Variants in ORC4 observed in about 807,000 individuals in gnomAD.
ORC4 encodes origin recognition complex, subunit 4 homolog.
A neutral mutation model predicts 63.9 loss-of-function variants in ORC4; 55 were observed. The ratio of observed to expected loss-of-function variants is 0.86; its 90% CI spans 0.69 to 1.08. The LOEUF (loss-of-function observed/expected upper bound fraction) is 1.08. ORC4 is among the 50% of genes least tolerant of loss of function. The pLI, the probability that ORC4 is intolerant of heterozygous loss-of-function variation, is 0.00. For synonymous variants in ORC4, 150 were observed against 168.5 expected, an observed-to-expected ratio of 0.89 and a Z score of 0.85; for missense variants, 511 against 504.4, an observed-to-expected ratio of 1.01 and a Z score of -0.13.
intron 4 of ORC4, among the ~76,000 whole-genome samples, chr2:147,968,640 T>C (rs1690035402): frequency 6.6e-6 from 1 of 151,888 alleles, no homozygotes; most frequent in Non-Finnish European, 1.5e-5. Flanking sequence ...AAATAATAAA[T>C]GCTGGTGAAG....
chr2:148,021,383 C>CCCT (rs1693709399), upstream of ORC4: 1 of 486,426 alleles, frequency 2.1e-6, no homozygotes, highest in South Asian at 1.6e-5. Context: ...CCTCCCTCCA[C>CCCT]CCTCCTCCTC....
At chr2:147,991,785 A>G (rs1185981589) in intron 1 of ORC4, among the ~76,000 whole-genome samples, 1 of 152,168 alleles carries the variant, frequency 6.6e-6, no homozygotes, top group Non-Finnish European at 1.5e-5. Context: ...CGGAGATTGC[A>G]CCACTGCACT....
intron 3 of ORC4, 55 bp from the exon 4 acceptor site, chr2:147,972,884 A>T: frequency 1.7e-6 from 2 of 1,201,102 alleles, no homozygotes; most frequent in Non-Finnish European, 2.5e-6. Flanking sequence ...ATACTTTGTT[A>T]TGTTGTAGTT....
intron 5 of ORC4, 156 bp downstream of exon 5, chr2:147,958,631 TATTA>T: frequency 1.7e-6 from 1 of 586,060 alleles, no homozygotes; most frequent in Non-Finnish European, 3.0e-6. Flanking sequence ...CCTTCATTAT[TATTA>T]TTTTAATTTC....
intron 1 of ORC4, among the ~76,000 whole-genome samples, chr2:147,996,911 C>A (rs1221172572): frequency 6.6e-6 from 1 of 152,040 alleles, no homozygotes; most frequent in Non-Finnish European, 1.5e-5. Flanking sequence ...CTGGTTACAC[C>A]CAAATGAGTT....
chr2:147,957,196 A>G (rs1262722244), intron 6 of ORC4, among the ~76,000 whole-genome samples: 2 of 147,478 alleles, frequency 1.4e-5, no homozygotes, highest in Admixed American at 6.8e-5. Context: ...TATAGATATA[A>G]CCTATTATAG....
rs1687924101 is a variant in ORC4 at position 147,934,214 on chromosome 2, A to T, written c.*1296T>A. 6.6e-6 allele frequency: 1 copy of T among 152,146 alleles called. No individual in the cohort carries two copies. Among genetic ancestry groups the T allele is most frequent in the South Asian group, 2.1e-4 (1 of 4,826 alleles). 9.4% of individuals were successfully genotyped at this position (152,146 alleles called of 1,614,324 possible). On this transcript the variant is annotated 3_prime_UTR_variant, in exon 14 of 14. Transcript: ENST00000392857. ...CACAGGGCCTCTAATAGTTAAATAG[A>T]TTGTAAGCTGCACAAGCATAGGGAC...
chr2:147,991,734 A>G (rs905253416), intron 1 of ORC4, among the ~76,000 whole-genome samples: 2 of 152,150 alleles, frequency 1.3e-5, no homozygotes, highest in African/African-American at 4.8e-5. Context: ...AAGCTGAGAC[A>G]GGAGAATCGC....
At chr2:147,981,537 G>C (rs1446528525) in intron 1 of ORC4, among the ~76,000 whole-genome samples, 1 of 152,092 alleles carries the variant, frequency 6.6e-6, no homozygotes, top group African/African-American at 2.4e-5. Flanking sequence ...CCTCTAACAG[G>C]GGAACTCATA....
chr2:147,973,697 T>C (rs1690361020), intron 2 of ORC4, among the ~76,000 whole-genome samples, 173 bp from the exon 3 acceptor site: 1 of 152,056 alleles, frequency 6.6e-6, no homozygotes, highest in Non-Finnish European at 1.5e-5. Context: ...AAAAAATTAA[T>C]GGATTTCTTA....
chr2:148,009,887 C>T (rs17225193), intron 1 of ORC4, among the ~76,000 whole-genome samples: 1,930 of 152,200 alleles, frequency 0.013, 47 homozygotes, highest in African/African-American at 0.044. Flanking sequence ...ATAAGAAACC[C>T]ACTTCATTTA....
At chr2:147,974,120 T>C (rs913121482) in intron 2 of ORC4, among the ~76,000 whole-genome samples, 1 of 152,144 alleles carries the variant, frequency 6.6e-6, no homozygotes, top group African/African-American at 2.4e-5. Context: ...AAGAAGTAAA[T>C]CTGAGTTCTT....
chr2:147,992,905 G>A (rs1201318981), intron 1 of ORC4, among the ~76,000 whole-genome samples: 3 of 152,076 alleles, frequency 2.0e-5, no homozygotes, highest in Non-Finnish European at 4.4e-5. Flanking sequence ...TTACTCTAAT[G>A]TTCCCTGCCC....
At chr2:147,980,510 A>C (rs959841873) in intron 1 of ORC4, among the ~76,000 whole-genome samples, 63 of 152,282 alleles carry the variant, frequency 4.1e-4, no homozygotes, top group African/African-American at 1.3e-3. Flanking sequence ...ACAACAACAA[A>C]AAAAACTTAA....
upstream of ORC4, chr2:148,021,504 G>A (rs1693728012): frequency 3.5e-6 from 2 of 578,208 alleles, no homozygotes; most frequent in African/African-American, 1.9e-5. Context: ...TGCTACTGCT[G>A]CTGCTGCTAC....
intron 1 of ORC4, among the ~76,000 whole-genome samples, chr2:148,011,487 C>A (rs1692965710): frequency 6.6e-6 from 1 of 152,214 alleles, no homozygotes; most frequent in South Asian, 2.1e-4. Context: ...CATGATAAAG[C>A]CATACACAAC....
At chr2:147,993,555 T>C (rs1691754564) in intron 1 of ORC4, among the ~76,000 whole-genome samples, 1 of 152,168 alleles carries the variant, frequency 6.6e-6, no homozygotes, top group Non-Finnish European at 1.5e-5. Flanking sequence ...GAAACGATAT[T>C]CTCCAATTCT....
Position 147,958,328 on chromosome 2 carries a change from A to G in ORC4, c.357T>C (p.Asn119=), listed in dbSNP as rs1315167515. 3 of 1,611,910 alleles carry G rather than the reference A, an allele frequency of 1.9e-6. No homozygotes were observed. The South Asian group carries it at 3.3e-5, about 18-fold the overall frequency. The change falls in exon 6 of 14, where the codon AAT becomes AAC. Residue 119 remains asparagine (N), a synonymous_variant. Transcript: ENST00000392857. ...CTTTATCTCCAACTACATTTTCCAG[A>G]TTTAACTGCCTTGTGATTTCCTTTA... ...IALKEITRQL[N]LENVVGDKVF...
chr2:148,007,901 G>C (rs1287884884), intron 1 of ORC4, among the ~76,000 whole-genome samples: 5 of 152,194 alleles, frequency 3.3e-5, no homozygotes, highest in Non-Finnish European at 4.4e-5. Flanking sequence ...CTACAGGCCA[G>C]AAGAGAGTAG....
Sources: allele counts gnomAD v4.1 joint callset (sites outside exome capture counted in the v4.1 genomes callset), GRCh38; gene constraint gnomAD v4.1.1; transcripts MANE v1.5; gene names NCBI Gene and HGNC (gene_info 2026-07-23, HGNC 2026-07-21).